SYNPR: variants seen among roughly 807,000 people sequenced by gnomAD.
SYNPR encodes the protein synaptoporin.
Under a neutral mutation model 32.9 loss-of-function variants are expected in SYNPR, and 23 were observed. The observed-to-expected ratio is 0.70, with a 90% CI of 0.50 to 0.99. The LOEUF (loss-of-function observed/expected upper bound fraction) is 0.99. Ranked by LOEUF, SYNPR falls within the 50% of genes least tolerant of loss-of-function variation. The pLI, the probability that SYNPR is intolerant of heterozygous loss-of-function variation, is 0.00. For synonymous variants in SYNPR, 146 were observed against 135.9 expected (o/e 1.07, Z -0.52); for missense variants, 318 against 349.3 (o/e 0.91, Z 0.71).
chr3:63,244,510 G>C (rs2086270762), intron 1 of SYNPR, among the ~76,000 whole-genome samples: 1 of 152,036 alleles, frequency 6.6e-6, no homozygotes. Flanking sequence ...GGTGTCACAG[G>C]CCTGTTCAAT....
chr3:63,418,205 G>T (rs2088566084), intron 2 of SYNPR, among the ~76,000 whole-genome samples: 1 of 152,134 alleles, frequency 6.6e-6, no homozygotes, highest in African/African-American at 2.4e-5. Context: ...TCTCTGGGGT[G>T]GGGACAAAAT....
intron 3 of SYNPR, among the ~76,000 whole-genome samples, chr3:63,508,724 A>G (rs1701637732): frequency 6.6e-6 from 1 of 152,106 alleles, no homozygotes. Context: ...AACCATTCTG[A>G]TTGGTCCAAC....
chr3:63,499,421 T>C (rs1701436345), intron 3 of SYNPR, among the ~76,000 whole-genome samples: 1 of 152,124 alleles, frequency 6.6e-6, no homozygotes, highest in South Asian at 2.1e-4. Context: ...ACCAACTCGA[T>C]TTCTTATTTG....
At chr3:63,259,108 A>C (rs1319586360) in intron 2 of SYNPR, among the ~76,000 whole-genome samples, 2 of 152,160 alleles carry the variant, frequency 1.3e-5, no homozygotes, top group Non-Finnish European at 2.9e-5. Context: ...AAAATCCAGG[A>C]CCAGATGGAT....
chr3:63,473,235 C>G (rs533853164), intron 2 of SYNPR, among the ~76,000 whole-genome samples: 1 of 152,192 alleles, frequency 6.6e-6, no homozygotes, highest in South Asian at 2.1e-4. Context: ...CAGCTATGTC[C>G]CCCTTCCCTC....
intron 3 of SYNPR, among the ~76,000 whole-genome samples, chr3:63,497,818 G>A (rs1273450155): frequency 6.6e-6 from 1 of 152,178 alleles, no homozygotes; most frequent in Non-Finnish European, 1.5e-5. Context: ...AAGACTAAAT[G>A]AAAATGTAAT....
intron 1 of SYNPR, among the ~76,000 whole-genome samples, chr3:63,251,322 A>G (rs558385111): frequency 8.7e-5 from 13 of 149,072 alleles, no homozygotes; most frequent in African/African-American, 3.4e-4. Context: ...TAATCCTGGT[A>G]TCAAAAAAAA....
At chr3:63,279,434 T>C (rs1182966621) in intron 2 of SYNPR, among the ~76,000 whole-genome samples, 1 of 152,186 alleles carries the variant, frequency 6.6e-6, no homozygotes, top group Non-Finnish European at 1.5e-5. Context: ...GACTGGGCTT[T>C]AGGAAGTTGT....
At chr3:63,445,236 C>A (rs1176360702) in intron 2 of SYNPR, among the ~76,000 whole-genome samples, 1 of 152,146 alleles carries the variant, frequency 6.6e-6, no homozygotes, top group Non-Finnish European at 1.5e-5. Context: ...TGGCAGCATG[C>A]ATTCTGCATG....
chr3:63,483,163 T>G (rs1018874259), intron 3 of SYNPR, among the ~76,000 whole-genome samples: 3 of 152,232 alleles, frequency 2.0e-5, no homozygotes, highest in Non-Finnish European at 4.4e-5. Flanking sequence ...ATGCATGTAA[T>G]GCATGTAATA....
At chr3:63,242,856 C>T (rs191922930) in intron 1 of SYNPR, among the ~76,000 whole-genome samples, 2 of 151,970 alleles carry the variant, frequency 1.3e-5, no homozygotes, top group African/African-American at 4.8e-5. Context: ...AAAACAAGCA[C>T]AAAACAGTAT....
At chr3:63,313,714 T>C (rs1420820840) in intron 2 of SYNPR, among the ~76,000 whole-genome samples, 1 of 86,450 alleles carries the variant, frequency 1.2e-5, no homozygotes, top group Non-Finnish European at 2.2e-5. Context: ...CATATATATA[T>C]ATCCATATAT....
At chr3:63,351,083 A>G (rs774611021) in intron 2 of SYNPR, among the ~76,000 whole-genome samples, 19 of 152,146 alleles carry the variant, frequency 1.2e-4, no homozygotes, top group Non-Finnish European at 2.5e-4. Flanking sequence ...AGACTGTCCT[A>G]AAGTGAACAG....
intron 3 of SYNPR, among the ~76,000 whole-genome samples, chr3:63,524,836 T>TGA: frequency 7.5e-6 from 1 of 134,048 alleles, no homozygotes; most frequent in Admixed American, 8.2e-5. Context: ...TGTGTGTGTG[T>TGA]GTGTGTGTGT....
At chr3:63,557,742 C>A (rs1311221850) in intron 4 of SYNPR, among the ~76,000 whole-genome samples, 2 of 152,112 alleles carry the variant, frequency 1.3e-5, no homozygotes, top group Non-Finnish European at 2.9e-5. Context: ...TATAACAAAA[C>A]TCCATTTGTT....
intron 2 of SYNPR, among the ~76,000 whole-genome samples, chr3:63,334,755 C>A (rs1206500813): frequency 6.6e-6 from 1 of 152,176 alleles, no homozygotes; most frequent in Non-Finnish European, 1.5e-5. Flanking sequence ...TGCTGATGAG[C>A]ATTTTCTTTG....
intron 2 of SYNPR, among the ~76,000 whole-genome samples, chr3:63,322,077 G>T (rs1468454011): frequency 6.6e-6 from 1 of 152,020 alleles, no homozygotes; most frequent in South Asian, 2.1e-4. Flanking sequence ...ACAGCCTCTT[G>T]AAATGTCCCT....
At chr3:63,223,640 A>G (rs2086108534), upstream of SYNPR, among the ~76,000 whole-genome samples, 1 of 152,156 alleles carries the variant, frequency 6.6e-6, no homozygotes, top group Non-Finnish European at 1.5e-5. Context: ...AATCATTTAG[A>G]GCTGGTTTCT....
At chr3:63,403,509 A>C (rs574030264) in intron 2 of SYNPR, among the ~76,000 whole-genome samples, 5 of 152,104 alleles carry the variant, frequency 3.3e-5, no homozygotes, top group African/African-American at 1.2e-4. Flanking sequence ...TTTAATCCTC[A>C]CAATAACCCC....
Sources: gnomAD v4.1 joint callset for allele counts (sites outside exome capture counted in the v4.1 genomes callset) on GRCh38, gnomAD v4.1.1 for gene constraint, MANE v1.5 for transcripts, NCBI Gene and HGNC (gene_info 2026-07-23, HGNC 2026-07-21) for gene names.